Variants in RAB5A observed in about 807,000 individuals in gnomAD.
The protein encoded by RAB5A is RAB5A, member RAS oncogene family, also known as ras-related protein Rab-5A.
RAB5A carries 8 observed loss-of-function variants against 25.7 expected under a neutral mutation model. The ratio of observed to expected loss-of-function variants is 0.31; its 90% confidence interval spans 0.18 to 0.56. RAB5A has a LOEUF of 0.56. Among genes scored for constraint, RAB5A ranks in the 20% least tolerant of loss-of-function variants. The pLI is 0.91. For missense variants in RAB5A, 192 were observed against 259.7 expected (o/e 0.74, Z 1.79); for synonymous variants, 98 against 89.8 (o/e 1.09, Z -0.52).
intron 2 of RAB5A, among the ~76,000 whole-genome samples, chr3:19,964,684 G>A (rs1559488819): frequency 6.6e-6 from 1 of 152,084 alleles, no homozygotes; most frequent in Non-Finnish European, 1.5e-5. Context: ...CGTGATCTTG[G>A]CTCACTGCAA....
intron 2 of RAB5A, among the ~76,000 whole-genome samples, chr3:19,957,090 G>A (rs1359763699): frequency 6.9e-6 from 1 of 144,944 alleles, no homozygotes; most frequent in Admixed American, 6.7e-5. Flanking sequence ...CCCCACACTT[G>A]GCTAATTTTT....
chr3:19,967,837 C>G (rs1379086491), intron 2 of RAB5A, among the ~76,000 whole-genome samples: 1 of 152,304 alleles, frequency 6.6e-6, no homozygotes, highest in Non-Finnish European at 1.5e-5. Flanking sequence ...ACACTCACGA[C>G]TGTCGCTTCT....
chr3:19,965,361 G>A (rs1019261925), intron 2 of RAB5A, among the ~76,000 whole-genome samples: 2 of 151,660 alleles, frequency 1.3e-5, no homozygotes, highest in Non-Finnish European at 2.9e-5. Context: ...GTTCAAGGGC[G>A]CAGTGAACTA....
chr3:19,950,851 G>A lies in RAB5A; in HGVS notation c.-48G>A, dbSNP rs371868725. On this transcript the variant is annotated 5_prime_UTR_variant, in exon 2 of 6. Coordinates refer to ENST00000273047, the MANE Select transcript of RAB5A (RefSeq NM_004162.5). The stretch of plus-strand genomic sequence containing the variant: ...AAGAATATTGGCCCCTTGAATTCTG[G>A]AAGTTCATTGAAGAGTCTGAAATTA... The A allele has an allele frequency of 3.2e-5, 49 of 1,548,006 alleles. No individual in the cohort carries two copies. The African/African-American group carries it at 6.4e-4, about 20-fold the overall frequency.
At chr3:19,970,883 T>C (rs1208291813) in intron 2 of RAB5A, among the ~76,000 whole-genome samples, 2 of 152,272 alleles carry the variant, frequency 1.3e-5, no homozygotes, top group East Asian at 3.9e-4. Context: ...CACCGAGTTT[T>C]ATAGGGGAAA....
intron 3 of RAB5A, 137 bp from the exon 4 acceptor site, chr3:19,975,910 A>T: frequency 1.5e-6 from 2 of 1,358,672 alleles, no homozygotes; most frequent in Non-Finnish European, 2.0e-6. Flanking sequence ...AAAAAACGAA[A>T]ATGTCTCATA....
intron 5 of RAB5A, among the ~76,000 whole-genome samples, chr3:19,979,067 C>A (rs1045432120): frequency 6.6e-6 from 1 of 151,994 alleles, no homozygotes. Context: ...ACCTCCACTT[C>A]CCGGATTCAA....
chr3:19,959,557 C>A (rs1286197494), intron 2 of RAB5A, among the ~76,000 whole-genome samples: 1 of 151,422 alleles, frequency 6.6e-6, no homozygotes, highest in East Asian at 1.9e-4. Flanking sequence ...ACCTTTAGTG[C>A]ATGGACTTTG....
In RAB5A at chr3:19,969,393, C is replaced by T. The variant is rs2125188307; in HGVS notation, c.164-6208C>T. ...ATTTAGGAGATAAAAATTGTTTTGACTATGTGGATGATTTCATTGACTACT... is the reference window on the plus strand; with the variant it reads ...ATTTAGGAGATAAAAATTGTTTTGATTATGTGGATGATTTCATTGACTACT... On this transcript the variant is annotated intron_variant, in intron 2 of 5. Coordinates refer to ENST00000273047, the MANE Select transcript of RAB5A (RefSeq NM_004162.5). Among the ~76,000 whole-genome samples, 2 of 152,200 alleles carry T rather than the reference C, an allele frequency of 1.3e-5. 1 individual carries two copies.
At chr3:19,957,301 T>TA (rs1696517672) in intron 2 of RAB5A, among the ~76,000 whole-genome samples, 1 of 152,202 alleles carries the variant, frequency 6.6e-6, no homozygotes, top group South Asian at 2.1e-4. Flanking sequence ...GTGCATATAT[T>TA]AAAGTTTTTT....
rs67898127 is a variant in RAB5A, at chr3:19,947,266, CCGGCGGCGGCGGCGG to C, written c.-342_-328del. On this transcript the variant is annotated 5_prime_UTR_variant, in exon 1 of 6. Transcript: ENST00000273047. ...GGAAGAATTAGTCGGAACTCCAGCG[CCGGCGGCGGCGGCGG>C]CGGCGGAGGAGGAGAAAGGAAAGAG... The C allele has an allele frequency of 3.3e-5, 6 of 183,040 alleles. No homozygotes were observed. The highest frequency in any genetic ancestry group is 9.7e-5 in the South Asian group (1 of 10,348). 11.3% of individuals were successfully genotyped at this position (183,040 alleles called of 1,614,324 possible).
chr3:19,980,720 CATT>C (rs1318877553), intron 5 of RAB5A, among the ~76,000 whole-genome samples: 1 of 152,136 alleles, frequency 6.6e-6, no homozygotes, highest in Non-Finnish European at 1.5e-5. Flanking sequence ...CAGTGTTCAA[CATT>C]TCTGGGGCTT....
chr3:19,965,067 G>T (rs376345854), intron 2 of RAB5A, among the ~76,000 whole-genome samples: 73 of 152,108 alleles, frequency 4.8e-4, no homozygotes, highest in African/African-American at 1.5e-3. Flanking sequence ...GATTGCAGGT[G>T]CATGCCACCA....
chr3:19,979,572 ACTGCCC>A (rs1175330547), intron 5 of RAB5A, among the ~76,000 whole-genome samples: 1 of 152,222 alleles, frequency 6.6e-6, no homozygotes, highest in Admixed American at 6.5e-5. Context: ...GGCGCGAGCC[ACTGCCC>A]CTGGCCCTAA....
At chr3:19,979,679 AG>A (rs1696886347) in intron 5 of RAB5A, among the ~76,000 whole-genome samples, 1 of 152,108 alleles carries the variant, frequency 6.6e-6, no homozygotes, top group Non-Finnish European at 1.5e-5. Context: ...ACAAAAATAA[AG>A]GTTGGTTTTG....
At chr3:19,956,130 T>G (rs1362174386) in intron 2 of RAB5A, among the ~76,000 whole-genome samples, 1 of 152,192 alleles carries the variant, frequency 6.6e-6, no homozygotes, top group Non-Finnish European at 1.5e-5. Flanking sequence ...TCTCCTTTCT[T>G]GTCACAAATG....
rs1696323741 is a variant in RAB5A at position 19,947,361 on chromosome 3, A to G, written c.-254A>G. 1 of 181,574 alleles carries G rather than the reference A, an allele frequency of 5.5e-6. No individual in the cohort carries two copies. Among genetic ancestry groups the G allele is most frequent in the Non-Finnish European group, 1.1e-5 (1 of 89,622 alleles). 11.2% of individuals were successfully genotyped at this position (181,574 alleles called of 1,614,324 possible). ...AGCCCGACAGGGGCGGCACCACGGC[A>G]CGAGCCCCGCACAGTCCAGTGTGAG... On this transcript the variant is annotated 5_prime_UTR_variant, in exon 1 of 6. Transcript: ENST00000273047.
At position 19,983,825 on chromosome 3, in the gene RAB5A, C is replaced by T. The variant is rs752034936; in HGVS notation, c.*2C>T. The T allele has an allele frequency of 6.3e-7, 1 of 1,574,808 alleles. No individual in the cohort carries two copies. The highest frequency in any genetic ancestry group is 1.4e-5 in the African/African-American group (1 of 73,740). ...AGGAATCAGTGTTGTAGTAACTAAA[C>T]CTCTAGTTTGAACTAGCTGGAATAG... On this transcript the variant is annotated 3_prime_UTR_variant, in exon 6 of 6. Transcript: ENST00000273047.
chr3:19,962,541 C>T (rs2125184161), intron 2 of RAB5A, among the ~76,000 whole-genome samples: 1 of 152,134 alleles, frequency 6.6e-6, no homozygotes, highest in African/African-American at 2.4e-5. Flanking sequence ...TGCATTTCAG[C>T]CTGGGCAACA....
Sources: allele counts gnomAD v4.1 joint callset (sites outside exome capture counted in the v4.1 genomes callset), GRCh38; gene constraint gnomAD v4.1.1; transcripts MANE v1.5; gene names NCBI Gene and HGNC (gene_info 2026-07-23, HGNC 2026-07-21).